The following KCNQ3 variants were observed in gnomAD, a reference collection of about 807,000 sequenced individuals.
The protein encoded by KCNQ3 is potassium voltage-gated channel subfamily KQT member 3.
Under a neutral mutation model 92.5 loss-of-function variants are expected in KCNQ3, and 30 were observed. The ratio of observed to expected loss-of-function variants is 0.32; its 90% CI spans 0.24 to 0.44. The LOEUF (loss-of-function observed/expected upper bound fraction) is 0.44, where lower values mean the gene tolerates loss of function less well. Ranked by LOEUF, KCNQ3 falls within the 20% of genes least tolerant of loss-of-function variation. The pLI is 1.00. For synonymous variants in KCNQ3, 450 were observed against 468.8 expected (o/e 0.96, Z 0.52); for missense variants, 913 against 1,140.3 (o/e 0.80, Z 2.87).
intron 1 of KCNQ3, among the ~76,000 whole-genome samples, chr8:132,411,651 A>G (rs760753021): frequency 6.6e-6 from 1 of 151,992 alleles, no homozygotes; most frequent in African/African-American, 2.4e-5. Flanking sequence ...ACACACACAC[A>G]ACACACACAA....
chr8:132,438,379 C>T (rs933986368), intron 1 of KCNQ3, among the ~76,000 whole-genome samples: 1 of 152,054 alleles, frequency 6.6e-6, no homozygotes, highest in Non-Finnish European at 1.5e-5. Context: ...AAGGTCTCTG[C>T]CCCGATCCCA....
chr8:132,462,939 TAC>T (rs938033307), intron 1 of KCNQ3, among the ~76,000 whole-genome samples: 3 of 151,870 alleles, frequency 2.0e-5, no homozygotes, highest in Non-Finnish European at 4.4e-5. Flanking sequence ...TCTCTTTTTC[TAC>T]ACACACACAC....
intron 1 of KCNQ3, among the ~76,000 whole-genome samples, chr8:132,217,725 A>AAAAAC (rs1814086022): frequency 6.6e-6 from 1 of 151,358 alleles, no homozygotes; most frequent in African/African-American, 2.4e-5. Context: ...AAAAAAAAAA[A>AAAAAC]AAAAACAAAA....
chr8:132,374,063 C>G (rs1232830473), intron 1 of KCNQ3, among the ~76,000 whole-genome samples: 1 of 152,118 alleles, frequency 6.6e-6, no homozygotes, highest in Non-Finnish European at 1.5e-5. Context: ...CCAGGCAGCT[C>G]TCATGGACCA....
intron 1 of KCNQ3, among the ~76,000 whole-genome samples, chr8:132,395,520 C>G (rs907380037): frequency 2.6e-5 from 4 of 152,200 alleles, no homozygotes; most frequent in African/African-American, 9.6e-5. Context: ...TTACTACCAA[C>G]AATCACCTTT....
Position 132,187,701 on chromosome 8 carries a change from AGTG to A in KCNQ3, c.387-1523_387-1521del, listed in dbSNP as rs375123348. ...TGGTGATTATGATGGTTGTGATGATAGTGGTGGTGGTGGTGGTGATGGTGGTGA... is the reference window on the plus strand; with the variant it reads ...TGGTGATTATGATGGTTGTGATGATAGTGGTGGTGGTGGTGATGGTGGTGA... On this transcript the variant is annotated intron_variant, in intron 1 of 14. Coordinates refer to ENST00000388996, the MANE Select transcript of KCNQ3 (RefSeq NM_004519.4). Among the ~76,000 whole-genome samples, 300 of 65,618 alleles carry A rather than the reference AGTG, an allele frequency of 4.6e-3. 2 individuals are homozygous for A. The highest frequency in any genetic ancestry group is 0.021 in the African/African-American group (269 of 12,742). 43.0% of individuals were successfully genotyped at this position (65,618 alleles called of 152,430 possible). A position where few individuals can be genotyped will look rare whatever the true frequency, so the allele number is the denominator to read the frequency against.
intron 1 of KCNQ3, among the ~76,000 whole-genome samples, chr8:132,443,036 A>C (rs1821579103): frequency 6.6e-6 from 1 of 152,190 alleles, no homozygotes; most frequent in Non-Finnish European, 1.5e-5. Flanking sequence ...GGTAATCCAC[A>C]TGGAGAGAAA....
intron 1 of KCNQ3, among the ~76,000 whole-genome samples, chr8:132,393,253 A>C (rs376978638): frequency 3.9e-5 from 6 of 152,280 alleles, no homozygotes; most frequent in African/African-American, 1.4e-4. Flanking sequence ...TCACCACCTG[A>C]CATTATATAA....
intron 1 of KCNQ3, among the ~76,000 whole-genome samples, chr8:132,190,728 T>A (rs1827130669): frequency 6.6e-6 from 1 of 152,216 alleles, no homozygotes; most frequent in Admixed American, 6.5e-5. Context: ...ATACTCTTCA[T>A]GAAAACTGAG....
intron 1 of KCNQ3, among the ~76,000 whole-genome samples, chr8:132,369,063 G>A (rs1262877579): frequency 2.6e-5 from 4 of 152,164 alleles, no homozygotes; most frequent in Non-Finnish European, 4.4e-5. Flanking sequence ...GTATTTTGTA[G>A]AATGTCTCTC....
intron 1 of KCNQ3, among the ~76,000 whole-genome samples, chr8:132,456,453 C>T (rs942929236): frequency 4.4e-5 from 5 of 114,682 alleles, no homozygotes; most frequent in East Asian, 2.8e-4. Flanking sequence ...CACCAGGGCT[C>T]GGGGATTGAG....
intron 9 of KCNQ3, among the ~76,000 whole-genome samples, chr8:132,149,250 G>T (rs1825558336): frequency 6.6e-6 from 1 of 152,234 alleles, no homozygotes; most frequent in South Asian, 2.1e-4. Flanking sequence ...AGGACAGGGT[G>T]GGGCCGCAAA....
At chr8:132,437,451 C>A (rs1821426553) in intron 1 of KCNQ3, among the ~76,000 whole-genome samples, 1 of 152,154 alleles carries the variant, frequency 6.6e-6, no homozygotes. Context: ...TGCAGGTGAA[C>A]ATGGAATACT....
At chr8:132,428,827 G>A (rs971532158) in intron 1 of KCNQ3, among the ~76,000 whole-genome samples, 2 of 152,126 alleles carry the variant, frequency 1.3e-5, no homozygotes, top group Non-Finnish European at 1.5e-5. Flanking sequence ...ATTGTTTGGG[G>A]GAGGTTGACA....
At position 132,463,346 on chromosome 8, in the gene KCNQ3, G is replaced by A. The variant is rs547899593; in HGVS notation, c.386+16801C>T. 3.9e-5 allele frequency among the ~76,000 whole-genome samples: 6 copies of A among 152,336 alleles called. No homozygotes were observed. In the East Asian group the frequency reaches 9.6e-4, roughly 24 times the overall value. On this transcript the variant is annotated intron_variant, in intron 1 of 14. Coordinates refer to ENST00000388996, the MANE Select transcript of KCNQ3 (RefSeq NM_004519.4). ...AGTCTATAAGGCTGTCACTCTAGTT[G>A]AGCCACAAATGGTATTCACAGCCCT...
intron 1 of KCNQ3, among the ~76,000 whole-genome samples, chr8:132,270,539 G>A (rs996870678): frequency 6.6e-6 from 1 of 152,146 alleles, no homozygotes; most frequent in African/African-American, 2.4e-5. Context: ...AAGGAGTCTG[G>A]ATTCGAAAAT....
intron 1 of KCNQ3, among the ~76,000 whole-genome samples, chr8:132,186,929 T>TGAGAGAGAGA (rs752305044): frequency 0.016 from 1,605 of 98,246 alleles, 120 homozygotes; most frequent in African/African-American, 0.054. Context: ...TGTGTGTGTG[T>TGAGAGAGAGA]GTGTGAGAGA....
At chr8:132,138,272 C>T (rs144602097) in intron 11 of KCNQ3, among the ~76,000 whole-genome samples, 2 of 152,296 alleles carry the variant, frequency 1.3e-5, no homozygotes, top group East Asian at 3.9e-4. Flanking sequence ...ATTTATTGAG[C>T]ATTCACTGTA....
chr8:132,241,891 G>C (rs1212675699), intron 1 of KCNQ3, among the ~76,000 whole-genome samples: 2 of 152,102 alleles, frequency 1.3e-5, no homozygotes, highest in Admixed American at 6.5e-5. Flanking sequence ...AAGGGTAATG[G>C]ATTATTCTTA....
Sources: allele counts gnomAD v4.1 joint callset (sites outside exome capture counted in the v4.1 genomes callset), GRCh38; gene constraint gnomAD v4.1.1; transcripts MANE v1.5; gene names NCBI Gene and HGNC (gene_info 2026-07-23, HGNC 2026-07-21).